LRRC37A: variants seen among roughly 807,000 people sequenced by gnomAD.
LRRC37A encodes leucine-rich repeat-containing protein 37A.
A neutral mutation model predicts 35.4 loss-of-function variants in LRRC37A; 3 were observed. The ratio of observed to expected loss-of-function variants is 0.08; its 90% CI spans 0.04 to 0.22. LRRC37A has a LOEUF of 0.22. Among genes scored for constraint, LRRC37A ranks in the 10% least tolerant of loss-of-function variants. LRRC37A has a pLI of 1.00. For synonymous variants in LRRC37A, 23 were observed against 215.0 expected (o/e 0.11, Z 7.81); for missense variants, 67 against 565.3 (o/e 0.12, Z 8.94).
At chr17:46,261,659 C>T in the LRRC37A span, among the ~76,000 whole-genome samples, 2 of 151,358 alleles carry the variant, frequency 1.3e-5, no homozygotes, top group African/African-American at 2.4e-5. Context: ...GTGATCTGCC[C>T]GCCTCGGCCT....
the LRRC37A span, among the ~76,000 whole-genome samples, chr17:46,253,377 C>T: frequency 6.6e-6 from 1 of 152,150 alleles, no homozygotes; most frequent in African/African-American, 2.4e-5. Flanking sequence ...AATCTCGGCA[C>T]TTTGGGAGGC....
At chr17:46,269,596 C>T in the LRRC37A span, among the ~76,000 whole-genome samples, 18,476 of 152,190 alleles carry the variant, frequency 0.12, no homozygotes, top group Non-Finnish European at 0.18. Flanking sequence ...AAAAAAGTGC[C>T]AAAGGGCTTA....
At chr17:46,267,554 C>CATAA in the LRRC37A span, 1 of 1,612,716 alleles carries the variant, frequency 6.2e-7, no homozygotes, top group Middle Eastern at 1.7e-4. Context: ...TGCATATGTA[C>CATAA]TTTATACCAC....
rs1166056919 is a variant in LRRC37A, at chr17:46,323,455, G to A, written c.3053+428G>A. On this transcript the variant is annotated intron_variant, in intron 7 of 13. Coordinates refer to ENST00000320254, the Ensembl canonical transcript of LRRC37A. Reference sequence around the variant, plus strand: ...TCTGTCGCCCAGGCTGCAGTGCAGCGGCATGACCTAGGCTCACTGCAACCT... The same window carrying A: ...TCTGTCGCCCAGGCTGCAGTGCAGCAGCATGACCTAGGCTCACTGCAACCT... Among the ~76,000 whole-genome samples, 7 of 98,858 alleles carry A rather than the reference G, an allele frequency of 7.1e-5. 1 individual carries two copies. The highest frequency in any genetic ancestry group is 2.6e-4 in the East Asian group (1 of 3,892). 64.9% of individuals were successfully genotyped at this position (98,858 alleles called of 152,430 possible).
the LRRC37A span, chr17:46,267,272 C>T: frequency 9.2e-7 from 1 of 1,088,332 alleles, no homozygotes; most frequent in Non-Finnish European, 1.3e-6. Flanking sequence ...AAAACCAACG[C>T]CCAGGGACTG....
At chr17:46,266,415 C>T in the LRRC37A span, among the ~76,000 whole-genome samples, 1 of 152,200 alleles carries the variant, frequency 6.6e-6, no homozygotes, top group African/African-American at 2.4e-5. Context: ...CTTTGCGAGG[C>T]CATGTGCTCG....
chr17:46,267,502 T>C, the LRRC37A span: 5 of 1,612,704 alleles, frequency 3.1e-6, no homozygotes, highest in South Asian at 1.1e-5. Flanking sequence ...ATAAACCGTG[T>C]CCAGAGTTTA....
At chr17:46,333,067 GGA>G (rs1282644857) in intron 10 of LRRC37A, among the ~76,000 whole-genome samples, 2 of 125,042 alleles carry the variant, frequency 1.6e-5, no homozygotes, top group African/African-American at 5.5e-5. Flanking sequence ...TGGAGAGGAA[GGA>G]GAGAGCCAAA....
the LRRC37A span, among the ~76,000 whole-genome samples, chr17:46,262,656 G>A: frequency 9.2e-5 from 14 of 151,932 alleles, no homozygotes; most frequent in African/African-American, 3.4e-4. Context: ...GAGAATTCCC[G>A]TAACTTGTAA....
chr17:46,250,947 A>G, the LRRC37A span, among the ~76,000 whole-genome samples: 1 of 151,468 alleles, frequency 6.6e-6, no homozygotes, highest in African/African-American at 2.4e-5. Flanking sequence ...TGTTTGAGAA[A>G]GGTTCTCCCT....
intron 5 of LRRC37A, among the ~76,000 whole-genome samples, chr17:46,321,380 A>AAT (rs1225907655): frequency 6.2e-5 from 4 of 64,772 alleles, no homozygotes; most frequent in Admixed American, 1.6e-4. Flanking sequence ...AAAAAAAAAA[A>AAT]TGTGGTCTCT....
At chr17:46,288,706 C>CTTTTCTTTTT (rs2049986313), upstream of LRRC37A, among the ~76,000 whole-genome samples, 1 of 139,058 alleles carries the variant, frequency 7.2e-6, no homozygotes, top group African/African-American at 2.7e-5. Context: ...CTTGTTTTTT[C>CTTTTCTTTTT]TTTTTTTTTT....
chr17:46,314,441 T>C (rs1259969694), intron 5 of LRRC37A, among the ~76,000 whole-genome samples: 5 of 79,856 alleles, frequency 6.3e-5, no homozygotes, highest in Admixed American at 1.3e-4. Flanking sequence ...ATTTTGCACA[T>C]AGATGTTCAG....
At chr17:46,283,209 C>T in the LRRC37A span, among the ~76,000 whole-genome samples, 1 of 152,052 alleles carries the variant, frequency 6.6e-6, no homozygotes, top group East Asian at 1.9e-4. Context: ...CAATTTATAC[C>T]CCCACCAGCC....
rs2050977363 is a variant in LRRC37A at position 46,314,738 on chromosome 17, T to G, written c.2907-7584T>G. Reference sequence around the variant, plus strand: ...TGTTTACAGAATACTCCGTTGAATTTGGTTTGCCAGATTTTGTCAAGCATT... The same window carrying G: ...TGTTTACAGAATACTCCGTTGAATTGGGTTTGCCAGATTTTGTCAAGCATT... On this transcript the variant is annotated intron_variant, in intron 5 of 13. Transcript: ENST00000320254. Among the ~76,000 whole-genome samples the G allele has an allele frequency of 7.5e-5, 6 of 80,506 alleles. 3 individuals carry two copies. The highest frequency in any genetic ancestry group is 2.3e-4 in the Non-Finnish European group (6 of 26,546). The allele number at this position is 80,506 out of a possible 152,430, so 52.8% of individuals were successfully genotyped here. A position where few individuals can be genotyped will look rare whatever the true frequency, so the allele number is the denominator to read the frequency against.
At chr17:46,267,300 C>A in the LRRC37A span, 2 of 1,327,078 alleles carry the variant, frequency 1.5e-6, no homozygotes, top group Non-Finnish European at 2.0e-6. Context: ...AACTGGGGTT[C>A]CCAAACTGTT....
At chr17:46,285,306 T>A in the LRRC37A span, among the ~76,000 whole-genome samples, 1 of 151,388 alleles carries the variant, frequency 6.6e-6, no homozygotes, top group Non-Finnish European at 1.5e-5. Flanking sequence ...CATGGCTCGA[T>A]CTTGGCTCAC....
the LRRC37A span, among the ~76,000 whole-genome samples, chr17:46,258,342 C>A: frequency 6.6e-6 from 1 of 152,162 alleles, no homozygotes; most frequent in East Asian, 1.9e-4. Flanking sequence ...TCCCAAGTAG[C>A]TGGGATTACA....
chr17:46,279,509 T>A, the LRRC37A span, among the ~76,000 whole-genome samples: 1 of 149,916 alleles, frequency 6.7e-6, no homozygotes, highest in Admixed American at 6.6e-5. Context: ...TCTTTTTTTT[T>A]TTTTTTTTTT....
Sources: gnomAD v4.1 joint callset for allele counts (sites outside exome capture counted in the v4.1 genomes callset) on GRCh38, gnomAD v4.1.1 for gene constraint, MANE v1.5 for transcripts, NCBI Gene and HGNC (gene_info 2026-07-23, HGNC 2026-07-21) for gene names.